Variants in MPDZ observed in about 807,000 individuals in gnomAD.
MPDZ encodes the protein multiple PDZ domain protein.
Under a neutral mutation model 239.1 loss-of-function variants are expected in MPDZ, and 234 were observed. The observed-to-expected ratio is 0.98, with a 90% CI of 0.88 to 1.09. MPDZ has a LOEUF of 1.09. Among genes scored for constraint, MPDZ ranks in the 50% least tolerant of loss-of-function variants. The pLI, the probability that MPDZ is intolerant of heterozygous loss-of-function variation, is 0.00. For synonymous variants in MPDZ, 1,048 were observed against 881.3 expected (o/e 1.19, Z -3.35); for missense variants, 3,175 against 2,510.0 (o/e 1.26, Z -5.66).
intron 13 of MPDZ, among the ~76,000 whole-genome samples, chr9:13,195,473 TAACA>T (rs565222836): frequency 2.6e-5 from 4 of 152,192 alleles, no homozygotes; most frequent in Non-Finnish European, 5.9e-5. Context: ...AAATTCTACC[TAACA>T]TACTATTTTA....
At chr9:13,186,750 A>T (rs1211966415) in intron 17 of MPDZ, among the ~76,000 whole-genome samples, 1 of 152,152 alleles carries the variant, frequency 6.6e-6, no homozygotes, top group South Asian at 2.1e-4. Context: ...TCAAACAATG[A>T]CTTCCTAATA....
At chr9:13,257,274 C>T (rs1376041387) in intron 1 of MPDZ, among the ~76,000 whole-genome samples, 1 of 152,136 alleles carries the variant, frequency 6.6e-6, no homozygotes, top group East Asian at 1.9e-4. Flanking sequence ...CATGTGGGGA[C>T]TCTGACCATC....
In MPDZ at chr9:13,140,058, T is replaced by G; in HGVS notation, c.3932A>C (p.Asp1311Ala). The part of the protein sequence containing the change: ...PPSAFAEMGS[D>A]HTQSSASKIS... Reference sequence around the variant, plus strand: ...TTTGCTTGCAGATGACTGTGTGTGATCACTACCCATTTCGGCAAAGGCTGA... The same window carrying G: ...TTTGCTTGCAGATGACTGTGTGTGAGCACTACCCATTTCGGCAAAGGCTGA... Residue 1311 changes from aspartate to alanine, a missense_variant, in exon 28 of 47, where the codon GAT becomes GCT. Coordinates refer to ENST00000319217, the MANE Select transcript of MPDZ (RefSeq NM_001378778.1). 6.2e-7 allele frequency: 1 copy of G among 1,612,924 alleles called. No homozygotes were observed. Among genetic ancestry groups the G allele is most frequent in the Non-Finnish European group, 8.5e-7 (1 of 1,179,712 alleles).
At chr9:13,120,244 A>T (rs1944133090) in intron 38 of MPDZ, 1 of 152,084 alleles carries the variant, frequency 6.6e-6, no homozygotes, top group Non-Finnish European at 1.5e-5. Context: ...TTTCTTTCAC[A>T]AAACTATAAA....
chr9:13,140,047 A>G lies in MPDZ; in HGVS notation c.3943T>C (p.Ser1315Pro), dbSNP rs1947405992. ...FAEMGSDHTQ[S>P]SASKISQDVD... ...TCTTGTGAGATTTTGCTTGCAGATGACTGTGTGTGATCACTACCCATTTCG... is the reference window on the plus strand; with the variant it reads ...TCTTGTGAGATTTTGCTTGCAGATGGCTGTGTGTGATCACTACCCATTTCG... The change falls in exon 28 of 47, where the codon TCA becomes CCA. Residue 1315 changes from serine to proline, a missense_variant. Coordinates refer to ENST00000319217, the MANE Select transcript of MPDZ (RefSeq NM_001378778.1). 6.2e-7 allele frequency: 1 copy of G among 1,613,330 alleles called. No homozygotes were observed. The highest frequency in any genetic ancestry group is 2.2e-5 in the East Asian group (1 of 44,756).
At chr9:13,162,170 G>T (rs1282230104) in intron 23 of MPDZ, among the ~76,000 whole-genome samples, 1 of 151,864 alleles carries the variant, frequency 6.6e-6, no homozygotes, top group Non-Finnish European at 1.5e-5. Flanking sequence ...AGGCTGAGGT[G>T]GGAGGATTGC....
intron 18 of MPDZ, among the ~76,000 whole-genome samples, chr9:13,184,951 T>C (rs1219422263): frequency 2.6e-5 from 4 of 151,968 alleles, no homozygotes; most frequent in African/African-American, 7.2e-5. Context: ...TTTTGATTGG[T>C]ATCCATTAAG....
intron 17 of MPDZ, among the ~76,000 whole-genome samples, chr9:13,187,476 A>G (rs756045531): frequency 2.6e-5 from 4 of 152,076 alleles, no homozygotes; most frequent in Non-Finnish European, 5.9e-5. Context: ...TTATTCTTAC[A>G]TTCCCATCCA....
At chr9:13,215,972 A>AGATAGGATC (rs1444223013) in intron 10 of MPDZ, among the ~76,000 whole-genome samples, 1 of 127,256 alleles carries the variant, frequency 7.9e-6, no homozygotes, top group African/African-American at 2.9e-5. Context: ...TTTTTTTTAG[A>AGATAGGATC]GATAGGATCT....
At chr9:13,206,678 G>A (rs536225676) in intron 10 of MPDZ, among the ~76,000 whole-genome samples, 2 of 151,904 alleles carry the variant, frequency 1.3e-5, no homozygotes, top group Admixed American at 6.6e-5. Context: ...CGAATAGCTG[G>A]GACTACAGGT....
intron 12 of MPDZ, among the ~76,000 whole-genome samples, chr9:13,198,733 C>CTGTGTGTGTGTGTGTGTGTGTG (rs746268904): frequency 3.4e-5 from 3 of 89,416 alleles, no homozygotes; most frequent in African/African-American, 8.5e-5. Flanking sequence ...TTTAATCTCT[C>CTGTGTGTGTGTGTGTGTGTGTG]TCTCTGTGTG....
chr9:13,136,908 T>C (rs937636054), intron 29 of MPDZ, 105 bp from the exon 30 acceptor site: 60 of 569,180 alleles, frequency 1.1e-4, no homozygotes, highest in Non-Finnish European at 1.6e-4. Context: ...CTTTAAAATA[T>C]ATTTTATATT....
Position 13,219,545 on chromosome 9 carries a change from T to C in MPDZ, c.1086+14A>G, listed in dbSNP as rs765263273. On this transcript the variant is annotated intron_variant, in intron 8 of 46. Transcript: ENST00000319217. ...TTTCTCTGACTTTCACATTAACTACTCTTAACTACTTACCCGCAACTCTGG... is the reference window on the plus strand; with the variant it reads ...TTTCTCTGACTTTCACATTAACTACCCTTAACTACTTACCCGCAACTCTGG... 8.1e-6 allele frequency: 13 copies of C among 1,608,530 alleles called. No homozygotes were observed. In the South Asian group the frequency reaches 1.4e-4, roughly 18 times the overall value.
intron 34 of MPDZ, 75 bp downstream of exon 34, chr9:13,126,441 G>T: frequency 2.1e-6 from 2 of 972,396 alleles, no homozygotes; most frequent in Non-Finnish European, 3.1e-6. Flanking sequence ...AATTCTCTAT[G>T]ATCGCAGACA....
intron 21 of MPDZ, among the ~76,000 whole-genome samples, chr9:13,170,203 A>G (rs1053921615): frequency 3.3e-5 from 5 of 152,128 alleles, no homozygotes; most frequent in Non-Finnish European, 7.4e-5. Flanking sequence ...AGGTTTTTAT[A>G]TATTTAAAAA....
At chr9:13,191,502 G>C (rs1367792005) in intron 15 of MPDZ, among the ~76,000 whole-genome samples, 1 of 152,026 alleles carries the variant, frequency 6.6e-6, no homozygotes, top group South Asian at 2.1e-4. Flanking sequence ...TAAACAAACA[G>C]GAAAATGTGA....
rs754211939 is a variant in MPDZ at position 13,224,406 on chromosome 9, C to G, written c.361G>C (p.Glu121Gln). The change falls in exon 4 of 47, where the codon GAA becomes CAA. Residue 121 changes from glutamate to glutamine, a missense_variant. Transcript: ENST00000319217. ...ATATTTTTGATAAGCTGATCAAATT[C>G]ATCACAAGCAGGTTTCCCATTAATG... ...PHINGKPACD[E>Q]FDQLIKNMAQ... 1 of 1,612,544 alleles carries G rather than the reference C, an allele frequency of 6.2e-7. No homozygotes were observed. The highest frequency in any genetic ancestry group is 8.5e-7 in the Non-Finnish European group (1 of 1,179,132).
rs1366172266 is a variant in MPDZ, at chr9:13,106,357, G to A, written c.*608C>T. 1 of 152,036 alleles carries A rather than the reference G, an allele frequency of 6.6e-6. No individual in the cohort carries two copies. Among genetic ancestry groups the A allele is most frequent in the Non-Finnish European group, 1.5e-5 (1 of 67,996 alleles). 9.4% of individuals were successfully genotyped at this position (152,036 alleles called of 1,614,324 possible). A position where few individuals can be genotyped will look rare whatever the true frequency, so the allele number is the denominator to read the frequency against. On this transcript the variant is annotated 3_prime_UTR_variant, in exon 47 of 47. Coordinates refer to ENST00000319217, the MANE Select transcript of MPDZ (RefSeq NM_001378778.1). Reference sequence around the variant, plus strand: ...TCATGTATTTGCCATTTACTCAATTGTAGAAACCAATTTTAGCAGGAAAAA... The same window carrying A: ...TCATGTATTTGCCATTTACTCAATTATAGAAACCAATTTTAGCAGGAAAAA...
At chr9:13,143,624 T>A in intron 26 of MPDZ, 60 bp from the exon 27 acceptor site, 1 of 1,375,552 alleles carries the variant, frequency 7.3e-7, no homozygotes, top group Non-Finnish European at 1.0e-6. Flanking sequence ...CAACTCAGTT[T>A]TAAAAGCAAA....
Sources: allele counts gnomAD v4.1 joint callset (sites outside exome capture counted in the v4.1 genomes callset), GRCh38; gene constraint gnomAD v4.1.1; transcripts MANE v1.5; gene names NCBI Gene and HGNC (gene_info 2026-07-23, HGNC 2026-07-21).